OTUB2: variants seen among roughly 807,000 people sequenced by gnomAD.
OTUB2 encodes OTU deubiquitinase, ubiquitin aldehyde binding 2, also known as ubiquitin thioesterase OTUB2.
In OTUB2, 21 loss-of-function variants were observed where a neutral mutation model predicts 25.1. The observed-to-expected ratio is 0.84, with a 90% CI of 0.59 to 1.21. The LOEUF (loss-of-function observed/expected upper bound fraction) is 1.21, where lower values mean the gene tolerates loss of function less well. Ranked by LOEUF, OTUB2 falls within the 50% of genes most tolerant of loss-of-function variation. The pLI, the probability that OTUB2 is intolerant of heterozygous loss-of-function variation, is 0.00. For missense variants in OTUB2, 283 were observed against 298.0 expected (o/e 0.95, Z 0.37); for synonymous variants, 122 against 122.8 (o/e 0.99, Z 0.04).
intron 1 of OTUB2, among the ~76,000 whole-genome samples, chr14:94,030,380 G>A (rs1360111080): frequency 6.6e-6 from 1 of 152,078 alleles, no homozygotes; most frequent in Non-Finnish European, 1.5e-5. Context: ...AGAGCAGTCA[G>A]GGACACGCTA....
chr14:94,044,022 T>G lies in OTUB2; in HGVS notation c.270T>G (p.Phe90Leu). The change falls in exon 4 of 6, where the codon TTT becomes TTG. Residue 90 changes from phenylalanine to leucine, a missense_variant. Physicochemically the swap from Phe to Leu is conservative, Grantham distance 22 (BLOSUM62 0). Transcript: ENST00000203664. ...CAAATGACCTTCTGGCTGCTGGCTT[T>G]GAGGAGCACAAGTTCAGAAACTTCT... is the stretch of plus-strand genomic sequence containing the variant. Reference protein sequence around the residue: ...QTPNDLLAAGFEEHKFRNFFN... With the variant: ...QTPNDLLAAGLEEHKFRNFFN... 2 of 1,614,224 alleles carry G rather than the reference T, an allele frequency of 1.2e-6. No homozygotes were observed.
chr14:94,045,769 G>A lies in OTUB2; in HGVS notation c.552G>A (p.Ser184=), dbSNP rs754533236. The A allele has an allele frequency of 6.2e-6, 10 of 1,614,056 alleles. No homozygotes were observed. The highest frequency in any genetic ancestry group is 2.2e-5 in the East Asian group (1 of 44,884). ...ACCACATCCAGATCACGGCGTTGTC[G>A]CAGGCCCTGAGCATTGCCCTGCAAG... ...ECDHIQITAL[S]QALSIALQVE... The change falls in exon 6 of 6, where the codon TCG becomes TCA. Residue 184 remains serine, a synonymous_variant. Transcript: ENST00000203664.
intron 2 of OTUB2, 71 bp from the exon 3 acceptor site, chr14:94,038,892 C>A (rs1885106686): frequency 7.3e-7 from 1 of 1,362,220 alleles, no homozygotes; most frequent in Non-Finnish European, 1.1e-6. Context: ...GGCACCTGGC[C>A]AGTCCCAGTG....
rs75936843 is a variant in OTUB2, at chr14:94,036,907, G to A, written c.4-473G>A. 3.7e-3 allele frequency among the ~76,000 whole-genome samples: 565 copies of A among 152,322 alleles called. 6 individuals are homozygous for A. The highest frequency in any genetic ancestry group is 0.013 in the African/African-American group (551 of 41,572). On this transcript the variant is annotated intron_variant, in intron 1 of 5. Transcript: ENST00000203664. ...TCCCTGTAGACTGTGAGCCTTGTGG[G>A]TGAGGGAGTGCTAGACGTCCTTCCT...
At chr14:94,039,953 C>T (rs76665688) in intron 3 of OTUB2, among the ~76,000 whole-genome samples, 13,683 of 152,100 alleles carry the variant, frequency 0.09, 828 homozygotes, top group Non-Finnish European at 0.13. Flanking sequence ...GCATGACTGA[C>T]GTTTTGGGCC....
In OTUB2 at chr14:94,033,890, T is replaced by C. The variant is rs1885005239; in HGVS notation, c.4-3490T>C. On this transcript the variant is annotated intron_variant, in intron 1 of 5. Coordinates refer to ENST00000203664, the MANE Select transcript of OTUB2 (RefSeq NM_023112.4). Reference sequence around the variant, plus strand: ...AAATTAATTGTACAACTAGCAATTGTTATTATGCTAGTAATGTCAATCTTT... The same window carrying C: ...AAATTAATTGTACAACTAGCAATTGCTATTATGCTAGTAATGTCAATCTTT... Among the ~76,000 whole-genome samples the C allele has an allele frequency of 2.0e-5, 3 of 152,370 alleles. No homozygotes were observed. In the South Asian group the frequency reaches 6.2e-4, roughly 32 times the overall value.
chr14:94,045,510 T>C (rs1423009399), intron 5 of OTUB2, among the ~76,000 whole-genome samples: 2 of 152,176 alleles, frequency 1.3e-5, no homozygotes, highest in East Asian at 1.9e-4. Flanking sequence ...ATTCTTGCAA[T>C]TGTAGCGATT....
Position 94,026,460 on chromosome 14 carries a change from C to T in OTUB2, c.-78C>T. On this transcript the variant is annotated 5_prime_UTR_variant, in exon 1 of 6. Coordinates refer to ENST00000203664, the MANE Select transcript of OTUB2 (RefSeq NM_023112.4). ...CCGCCACCGAACCAGCGGCGGAGCCCGCCCGCGCCTCCCGCGGCATTCCCG... is the reference window on the plus strand; with the variant it reads ...CCGCCACCGAACCAGCGGCGGAGCCTGCCCGCGCCTCCCGCGGCATTCCCG... The T allele has an allele frequency of 3.0e-6, 4 of 1,323,060 alleles. No homozygotes were observed. Among genetic ancestry groups the T allele is most frequent in the Non-Finnish European group, 2.9e-6 (3 of 1,033,710 alleles). 82.0% of individuals were successfully genotyped at this position (1,323,060 alleles called of 1,614,324 possible). A position where few individuals can be genotyped will look rare whatever the true frequency, so the allele number is the denominator to read the frequency against.
chr14:94,044,026 G>A lies in OTUB2; in HGVS notation c.274G>A (p.Glu92Lys). The part of the protein sequence containing the change: ...PNDLLAAGFE[E>K]HKFRNFFNAF... ...TGACCTTCTGGCTGCTGGCTTTGAG[G>A]AGCACAAGTTCAGAAACTTCTTCAA... The change falls in exon 4 of 6, where the codon GAG becomes AAG. Residue 92 changes from glutamate to lysine, a missense_variant. Transcript: ENST00000203664. 1 of 1,614,212 alleles carries A rather than the reference G, an allele frequency of 6.2e-7. No individual in the cohort carries two copies. The highest frequency in any genetic ancestry group is 8.5e-7 in the Non-Finnish European group (1 of 1,180,018).
At chr14:94,032,968 G>C (rs2141408428) in intron 1 of OTUB2, among the ~76,000 whole-genome samples, 1 of 152,370 alleles carries the variant, frequency 6.6e-6, no homozygotes, top group Middle Eastern at 3.4e-3. Context: ...CTGGAGTGCA[G>C]TGGTGCGGTC....
rs192405509 is a variant in OTUB2, at chr14:94,034,166, T to C, written c.4-3214T>C. On this transcript the variant is annotated intron_variant, in intron 1 of 5. Coordinates refer to ENST00000203664, the MANE Select transcript of OTUB2 (RefSeq NM_023112.4). ...GAAGGAAGTGGAACGGCAAATCACT[T>C]TCCTTCCAGATATCACTGATGTATT... 6.2e-4 allele frequency among the ~76,000 whole-genome samples: 94 copies of C among 152,338 alleles called. 1 individual carries two copies. The highest frequency in any genetic ancestry group is 1.0e-3 in the Admixed American group (16 of 15,304).
At chr14:94,030,484 G>C (rs951700968) in intron 1 of OTUB2, among the ~76,000 whole-genome samples, 3 of 152,112 alleles carry the variant, frequency 2.0e-5, no homozygotes, top group Non-Finnish European at 4.4e-5. Flanking sequence ...CTGAGGGCCT[G>C]TTGGGAGGAT....
At position 94,044,569 on chromosome 14, in the gene OTUB2, G is replaced by C. The variant is rs768485446; in HGVS notation, c.304-17G>C. 1 of 1,597,628 alleles carries C rather than the reference G, an allele frequency of 6.3e-7. No individual in the cohort carries two copies. The highest frequency in any genetic ancestry group is 1.1e-5 in the South Asian group (1 of 90,040). The stretch of plus-strand genomic sequence containing the variant: ...GGGCTTGCTTGGCCTCCCTAGCTGA[G>C]GGCCGGGCGGGCGCAGTTTTACAGT... On this transcript the variant is annotated splice_polypyrimidine_tract_variant and intron_variant, in intron 4 of 5. Coordinates refer to ENST00000203664, the MANE Select transcript of OTUB2 (RefSeq NM_023112.4).
At chr14:94,037,199 T>C (rs2273225) in intron 1 of OTUB2, among the ~76,000 whole-genome samples, 181 bp from the exon 2 acceptor site, 72,761 of 151,924 alleles carry the variant, frequency 0.48, 17,713 homozygotes, top group African/African-American at 0.58. Flanking sequence ...CTATCCCTGT[T>C]CTGGAAATGC....
At position 94,038,957 on chromosome 14, in the gene OTUB2, C is replaced by G. The variant is rs752396017; in HGVS notation, c.100-6C>G. 10 of 1,613,604 alleles carry G rather than the reference C, an allele frequency of 6.2e-6. No homozygotes were observed. The highest frequency in any genetic ancestry group is 4.4e-5 in the South Asian group (4 of 91,088). On this transcript the variant is annotated splice_region_variant and splice_polypyrimidine_tract_variant and intron_variant, in intron 2 of 5. Transcript: ENST00000203664. The stretch of plus-strand genomic sequence containing the variant: ...AAATGCCCACATTTCTTTCTGTCCC[C>G]CTCAGGAACTCAGCAAAAGGTTCAC...
At chr14:94,036,360 G>T (rs1885054575) in intron 1 of OTUB2, among the ~76,000 whole-genome samples, 1 of 152,150 alleles carries the variant, frequency 6.6e-6, no homozygotes, top group Non-Finnish European at 1.5e-5. Context: ...CATAAAAATG[G>T]TCTCCCTGGG....
intron 3 of OTUB2, among the ~76,000 whole-genome samples, chr14:94,041,550 A>G (rs1885162247): frequency 6.6e-6 from 1 of 151,642 alleles, no homozygotes; most frequent in African/African-American, 2.4e-5. Flanking sequence ...CTCCCTCCTC[A>G]GCCTGCATCT....
At chr14:94,026,905 C>T (rs1884874338) in intron 1 of OTUB2, among the ~76,000 whole-genome samples, 1 of 152,132 alleles carries the variant, frequency 6.6e-6, no homozygotes. Context: ...TGTTAAGTAG[C>T]CCCCCAGTCA....
chr14:94,044,456 A>G, intron 4 of OTUB2, 130 bp from the exon 5 acceptor site: 4 of 994,344 alleles, frequency 4.0e-6, no homozygotes, highest in Non-Finnish European at 5.8e-6. Context: ...CTGATTTTCT[A>G]ACTCAACCTG....
Sources: gnomAD v4.1 joint callset for allele counts (sites outside exome capture counted in the v4.1 genomes callset) on GRCh38, gnomAD v4.1.1 for gene constraint, MANE v1.5 for transcripts, NCBI Gene and HGNC (gene_info 2026-07-23, HGNC 2026-07-21) for gene names.